AGBL3: variants seen among roughly 807,000 people sequenced by gnomAD.
The protein encoded by AGBL3 is cytosolic carboxypeptidase 3.
A neutral mutation model predicts 94.5 loss-of-function variants in AGBL3; 68 were observed. The observed-to-expected ratio is 0.72, with a 90% CI of 0.59 to 0.88. The LOEUF is 0.88. Ranked by LOEUF, AGBL3 falls within the 40% of genes least tolerant of loss-of-function variation. The pLI, the probability that AGBL3 is intolerant of heterozygous loss-of-function variation, is 0.00. For synonymous variants in AGBL3, 354 were observed against 370.7 expected (o/e 0.95, Z 0.52); for missense variants, 934 against 1,103.8 (o/e 0.85, Z 2.18).
intron 4 of AGBL3, among the ~76,000 whole-genome samples, chr7:134,993,977 G>A (rs906437343): frequency 6.6e-6 from 1 of 152,162 alleles, no homozygotes; most frequent in Non-Finnish European, 1.5e-5. Flanking sequence ...CATTTGAATT[G>A]AGATCAGCCA....
At chr7:135,127,786 A>T (rs1373479166) in intron 16 of AGBL3, among the ~76,000 whole-genome samples, 1 of 152,180 alleles carries the variant, frequency 6.6e-6, no homozygotes, top group Non-Finnish European at 1.5e-5. Flanking sequence ...AAGGATCTAG[A>T]ACCAGAACTA....
At chr7:135,115,694 GA>G (rs1046469020) in intron 16 of AGBL3, 83 bp downstream of exon 16, 95 of 1,159,218 alleles carry the variant, frequency 8.2e-5, no homozygotes, top group Non-Finnish European at 9.5e-5. Context: ...ATTATCCTAC[GA>G]AAAAAAAATC....
At chr7:135,079,890 T>G (rs914484757) in intron 13 of AGBL3, among the ~76,000 whole-genome samples, 7 of 152,172 alleles carry the variant, frequency 4.6e-5, no homozygotes, top group Non-Finnish European at 7.4e-5. Context: ...TAAGTGAGAT[T>G]ATAAGAATAC....
intron 16 of AGBL3, chr7:135,128,594 A>G: frequency 2.6e-6 from 2 of 772,938 alleles, no homozygotes; most frequent in South Asian, 1.4e-5. Flanking sequence ...TGTGAGCGCT[A>G]TCTGCTCTAT....
intron 11 of AGBL3, among the ~76,000 whole-genome samples, chr7:135,056,699 T>C (rs1563223055): frequency 6.6e-6 from 1 of 152,060 alleles, no homozygotes; most frequent in Non-Finnish European, 1.5e-5. Flanking sequence ...GAAAGATGTA[T>C]ATGAGGAAAA....
intron 5 of AGBL3, among the ~76,000 whole-genome samples, chr7:135,022,900 T>C (rs1453463980): frequency 1.3e-5 from 2 of 152,160 alleles, no homozygotes; most frequent in Non-Finnish European, 2.9e-5. Context: ...CTTTATTCCA[T>C]CTGTTATTTC....
At chr7:135,049,904 G>A (rs1054032267) in intron 11 of AGBL3, among the ~76,000 whole-genome samples, 1 of 150,898 alleles carries the variant, frequency 6.6e-6, no homozygotes, top group African/African-American at 2.4e-5. Flanking sequence ...TTTCTATTTT[G>A]TTTCTGCTTT....
intron 12 of AGBL3, among the ~76,000 whole-genome samples, 176 bp from the exon 13 acceptor site, chr7:135,076,221 T>C (rs1020105348): frequency 2.0e-5 from 3 of 152,220 alleles, no homozygotes; most frequent in African/African-American, 4.8e-5. Context: ...TGTCTTCTCC[T>C]TTCCATCTTT....
At chr7:135,118,905 T>C (rs985169319) in intron 16 of AGBL3, among the ~76,000 whole-genome samples, 1 of 151,902 alleles carries the variant, frequency 6.6e-6, no homozygotes, top group Non-Finnish European at 1.5e-5. Flanking sequence ...AACAGTATAA[T>C]TGTACAAATA....
At chr7:135,080,402 C>T in intron 14 of AGBL3, 142 bp downstream of exon 14, 2 of 620,126 alleles carry the variant, frequency 3.2e-6, no homozygotes, top group Non-Finnish European at 5.7e-6. Flanking sequence ...CCCTGCAGGA[C>T]CTCATCCTTT....
At chr7:135,102,100 C>T (rs1823925792) in intron 15 of AGBL3, among the ~76,000 whole-genome samples, 3 of 152,180 alleles carry the variant, frequency 2.0e-5, no homozygotes, top group South Asian at 4.1e-4. Context: ...ATTACCCAGT[C>T]TGGAGAATGT....
intron 5 of AGBL3, among the ~76,000 whole-genome samples, chr7:135,022,860 G>A (rs1814659568): frequency 6.6e-6 from 1 of 151,740 alleles, no homozygotes; most frequent in Admixed American, 6.6e-5. Context: ...TATTGTTGTT[G>A]GATTAATAGC....
intron 16 of AGBL3, among the ~76,000 whole-genome samples, chr7:135,124,801 C>T (rs774796693): frequency 4.6e-5 from 7 of 152,024 alleles, no homozygotes; most frequent in African/African-American, 1.2e-4. Flanking sequence ...AATGACTCCT[C>T]GGTAAATAAT....
At chr7:135,027,330 G>A (rs1299634980) in intron 5 of AGBL3, among the ~76,000 whole-genome samples, 1 of 151,766 alleles carries the variant, frequency 6.6e-6, no homozygotes, top group African/African-American at 2.4e-5. Flanking sequence ...TTACAGGCGT[G>A]AGCCTCTGGC....
intron 4 of AGBL3, 98 bp from the exon 5 acceptor site, chr7:135,016,954 A>G: frequency 7.7e-6 from 6 of 781,470 alleles, no homozygotes; most frequent in Non-Finnish European, 1.3e-5. Flanking sequence ...ACTACATTTT[A>G]GCCTAGATCT....
chr7:135,134,933 T>G lies in AGBL3; in HGVS notation c.2435T>G (p.Met812Arg), dbSNP rs892280382. ...CCTTTTGTAATCCAAGGGGATGTTA[T>G]GGCAAACTCTTCAGAATGGGTCCAG... is the stretch of plus-strand genomic sequence containing the variant. ...NHPFVIQGDV[M>R]ANSSEWVQSK... Residue 812 changes from methionine to arginine, a missense_variant, in exon 17 of 17, where the codon ATG (methionine) becomes AGG (arginine). Coordinates refer to ENST00000436302, the MANE Select transcript of AGBL3 (RefSeq NM_178563.4). The G allele has an allele frequency of 2.6e-5, 41 of 1,551,054 alleles. No individual in the cohort carries two copies. The highest frequency in any genetic ancestry group is 3.4e-5 in the Non-Finnish European group (39 of 1,146,664).
intron 15 of AGBL3, among the ~76,000 whole-genome samples, chr7:135,091,485 A>T (rs191585164): frequency 6.6e-6 from 1 of 152,326 alleles, no homozygotes; most frequent in East Asian, 1.9e-4. Flanking sequence ...GTATAAGTGG[A>T]TCCACACAGT....
At chr7:135,060,028 T>C (rs1818689213) in intron 12 of AGBL3, among the ~76,000 whole-genome samples, 1 of 152,224 alleles carries the variant, frequency 6.6e-6, no homozygotes, top group South Asian at 2.1e-4. Flanking sequence ...CACATGTTTC[T>C]CATTTGCTTG....
intron 16 of AGBL3, among the ~76,000 whole-genome samples, chr7:135,122,669 CAGA>C (rs1252144707): frequency 6.6e-6 from 1 of 152,152 alleles, no homozygotes; most frequent in Non-Finnish European, 1.5e-5. Flanking sequence ...TCAGAGATCC[CAGA>C]AGAAGGAGCA....
Sources: gnomAD v4.1 joint callset for allele counts (sites outside exome capture counted in the v4.1 genomes callset) on GRCh38, gnomAD v4.1.1 for gene constraint, MANE v1.5 for transcripts, NCBI Gene and HGNC (gene_info 2026-07-23, HGNC 2026-07-21) for gene names.